Variants in SHANK2 observed in about 807,000 individuals in gnomAD.
The protein encoded by SHANK2 is SH3 and multiple ankyrin repeat domains protein 2.
In SHANK2, 43 loss-of-function variants were observed where a neutral mutation model predicts 133.7. The ratio of observed to expected loss-of-function variants is 0.32; its 90% CI spans 0.25 to 0.41. The LOEUF (loss-of-function observed/expected upper bound fraction) is 0.41, where lower values mean the gene tolerates loss of function less well. SHANK2 is among the 10% of genes least tolerant of loss of function. The pLI is 1.00. For missense variants in SHANK2, 1,994 were observed against 2,235.8 expected (o/e 0.89, Z 2.18); for synonymous variants, 1,017 against 952.8 (o/e 1.07, Z -1.24).
Position 70,479,045 on chromosome 11 carries a change from T to A in SHANK2, c.4980-5606A>T, listed in dbSNP as rs1043259804. Among the ~76,000 whole-genome samples, 4 of 152,170 alleles carry A rather than the reference T, an allele frequency of 2.6e-5. No homozygotes were observed. Among genetic ancestry groups the A allele is most frequent in the Admixed American group, 2.6e-4 (4 of 15,278 alleles). ...GGGGAGGAAGATTCTGACTTGAGAT[T>A]TGCCTGTTGATGGGCAAGGACGAGG... On this transcript the variant is annotated intron_variant, in intron 25 of 25. Transcript: ENST00000601538. The surrounding 1 kb of genome is among the most constrained non-coding windows in gnomAD (Gnocchi z 4.4).
intron 9 of SHANK2, among the ~76,000 whole-genome samples, chr11:71,072,411 C>T (rs1467135235): frequency 6.6e-6 from 1 of 152,228 alleles, no homozygotes; most frequent in Non-Finnish European, 1.5e-5. Flanking sequence ...GGGCAGGGCT[C>T]ACATCCCAGA....
chr11:70,645,982 A>T (rs2061254523), intron 17 of SHANK2, among the ~76,000 whole-genome samples: 1 of 152,194 alleles, frequency 6.6e-6, no homozygotes, highest in African/African-American at 2.4e-5. Context: ...CACTAATGCC[A>T]TCTCCTTCCT....
At chr11:70,652,910 C>G (rs1427282093) in intron 17 of SHANK2, among the ~76,000 whole-genome samples, 5 of 152,220 alleles carry the variant, frequency 3.3e-5, no homozygotes, top group African/African-American at 9.6e-5. Context: ...ATTTTATCAA[C>G]ACGAATACTG....
intron 2 of SHANK2, among the ~76,000 whole-genome samples, chr11:71,213,955 C>G (rs1489758754): frequency 5.3e-5 from 8 of 152,134 alleles, no homozygotes; most frequent in African/African-American, 1.7e-4. Context: ...AAGCCAACCA[C>G]CCCTTTTTCA....
intron 17 of SHANK2, chr11:70,635,503 T>C (rs2061062314): frequency 6.9e-6 from 1 of 145,776 alleles, no homozygotes; most frequent in African/African-American, 2.6e-5. Context: ...CTGAGGTCCC[T>C]AGAGTGGTCA....
In SHANK2 at chr11:70,884,773, T is replaced by G. The variant is rs1290046677; in HGVS notation, c.1174+11728A>C. ...CTCGTTCTTGTTGCCCAGGCTGGAGTGCAATGGCGCGATTTCGGCTCACTG... is the reference window on the plus strand; with the variant it reads ...CTCGTTCTTGTTGCCCAGGCTGGAGGGCAATGGCGCGATTTCGGCTCACTG... On this transcript the variant is annotated intron_variant, in intron 11 of 25. Coordinates refer to ENST00000601538, the MANE Select transcript of SHANK2 (RefSeq NM_012309.5). 2.6e-5 allele frequency among the ~76,000 whole-genome samples: 4 copies of G among 152,278 alleles called. No homozygotes were observed. In the East Asian group the frequency reaches 7.7e-4, roughly 29 times the overall value.
At chr11:70,907,240 G>A (rs542558750) in intron 10 of SHANK2, among the ~76,000 whole-genome samples, 14 of 152,320 alleles carry the variant, frequency 9.2e-5, no homozygotes, top group African/African-American at 2.6e-4. Flanking sequence ...CCTGGGTCTC[G>A]TCTGCCAGTA....
chr11:71,058,084 C>T (rs1244044663), intron 9 of SHANK2, among the ~76,000 whole-genome samples: 4 of 150,032 alleles, frequency 2.7e-5, no homozygotes, highest in African/African-American at 9.9e-5. Flanking sequence ...TTTGTAGAGA[C>T]GAGGTCCCCC....
chr11:71,133,622 C>T (rs1467680132), intron 3 of SHANK2, among the ~76,000 whole-genome samples: 3 of 151,342 alleles, frequency 2.0e-5, no homozygotes, highest in South Asian at 4.2e-4. Flanking sequence ...TGGGTGGAAG[C>T]GTAGAGTGGA....
intron 10 of SHANK2, among the ~76,000 whole-genome samples, chr11:70,900,570 C>T (rs370072140): frequency 6.6e-6 from 1 of 152,126 alleles, no homozygotes; most frequent in Non-Finnish European, 1.5e-5. Flanking sequence ...CTAGTGATTC[C>T]GGGATTCTCC....
chr11:70,586,505 G>A (rs1400691268), intron 17 of SHANK2, among the ~76,000 whole-genome samples: 1 of 152,126 alleles, frequency 6.6e-6, no homozygotes, highest in Non-Finnish European at 1.5e-5. Context: ...ACTCAGAGCT[G>A]GGCAGCCTGG....
chr11:71,121,530 A>C (rs1195320252), intron 3 of SHANK2, among the ~76,000 whole-genome samples: 2 of 152,182 alleles, frequency 1.3e-5, no homozygotes, highest in African/African-American at 4.8e-5. Flanking sequence ...GTTCACTCTG[A>C]TGGTAGTTTC....
chr11:70,927,552 TC>T (rs1246754940), intron 10 of SHANK2, among the ~76,000 whole-genome samples: 2 of 152,062 alleles, frequency 1.3e-5, no homozygotes, highest in Non-Finnish European at 2.9e-5. Context: ...AGCAGTGAGT[TC>T]CCCATCTCTG....
intron 17 of SHANK2, among the ~76,000 whole-genome samples, chr11:70,653,970 A>C (rs2061372431): frequency 6.6e-6 from 1 of 152,232 alleles, no homozygotes; most frequent in Admixed American, 6.5e-5. Context: ...GGAAAACACC[A>C]GGGCATCCCT....
chr11:71,191,850 A>G (rs1417862486), intron 2 of SHANK2, among the ~76,000 whole-genome samples: 1 of 147,236 alleles, frequency 6.8e-6, no homozygotes, highest in African/African-American at 2.6e-5. Flanking sequence ...CACTGTGCCC[A>G]GCCCTTAACT....
At chr11:70,787,830 G>A (rs1947703575) in intron 14 of SHANK2, among the ~76,000 whole-genome samples, 1 of 152,180 alleles carries the variant, frequency 6.6e-6, no homozygotes, top group Admixed American at 6.5e-5. Flanking sequence ...CAGCTCAGAT[G>A]TATCTATGTT....
intron 14 of SHANK2, among the ~76,000 whole-genome samples, chr11:70,784,375 T>TA (rs1565313772): frequency 1.4e-5 from 2 of 143,112 alleles, no homozygotes; most frequent in South Asian, 4.5e-4. Context: ...TTTTTTTTTT[T>TA]AAGTAGCGAC....
At chr11:71,112,972 G>A (rs1364024921) in intron 5 of SHANK2, among the ~76,000 whole-genome samples, 1 of 152,184 alleles carries the variant, frequency 6.6e-6, no homozygotes, top group Non-Finnish European at 1.5e-5. Context: ...CTGTGGACCC[G>A]CTTCCCTCCA....
chr11:70,667,111 C>T (rs1446109189), intron 15 of SHANK2, among the ~76,000 whole-genome samples: 2 of 152,064 alleles, frequency 1.3e-5, no homozygotes, highest in African/African-American at 4.8e-5. Flanking sequence ...GTAATTTCGT[C>T]ACAGAGGGAA....
Sources: gnomAD v4.1 joint callset for allele counts (sites outside exome capture counted in the v4.1 genomes callset) on GRCh38, gnomAD v4.1.1 for gene constraint, Gnocchi (gnomAD v3.1) non-coding constraint, MANE v1.5 for transcripts, NCBI Gene and HGNC (gene_info 2026-07-23, HGNC 2026-07-21) for gene names.